The following AP4E1 variants were observed in gnomAD, a reference collection of about 807,000 sequenced individuals.
AP4E1 encodes AP-4 complex subunit epsilon-1.
AP4E1 carries 56 observed loss-of-function variants against 128.2 expected under a neutral mutation model. The observed-to-expected ratio is 0.44, with a 90% CI of 0.35 to 0.55. The LOEUF is 0.55. AP4E1 is among the 20% of genes least tolerant of loss of function. The pLI, the probability that AP4E1 is intolerant of heterozygous loss-of-function variation, is 0.00. For synonymous variants in AP4E1, 484 were observed against 473.1 expected, an observed-to-expected ratio of 1.02 and a Z score of -0.30; for missense variants, 1,324 against 1,307.7, an observed-to-expected ratio of 1.01 and a Z score of -0.19.
At chr15:50,972,726 G>C (rs1276058976) in intron 15 of AP4E1, among the ~76,000 whole-genome samples, 5 of 152,220 alleles carry the variant, frequency 3.3e-5, no homozygotes, top group Non-Finnish European at 1.5e-5. Flanking sequence ...TGGCTGGGAA[G>C]CATGGGCATG....
chr15:50,928,494 G>T (rs575729271), intron 5 of AP4E1, among the ~76,000 whole-genome samples: 103 of 152,112 alleles, frequency 6.8e-4, no homozygotes, highest in African/African-American at 2.1e-3. Flanking sequence ...CGCCATGTTG[G>T]CCAGGCTGGT....
chr15:50,932,124 C>T (rs538222311), intron 7 of AP4E1, among the ~76,000 whole-genome samples: 8 of 152,124 alleles, frequency 5.3e-5, no homozygotes, highest in Admixed American at 6.5e-5. Flanking sequence ...GGATTACAGG[C>T]GCACACCACC....
chr15:50,993,663 A>C (rs748383132), intron 17 of AP4E1, 38 bp downstream of exon 17: 2 of 1,612,580 alleles, frequency 1.2e-6, no homozygotes, highest in East Asian at 4.5e-5. Context: ...AATCTTTGTC[A>C]TCTGTCTGTA....
chr15:50,921,167 C>CT, intron 3 of AP4E1, among the ~76,000 whole-genome samples: 1 of 151,196 alleles, frequency 6.6e-6, no homozygotes, highest in East Asian at 1.9e-4. Context: ...TTATTATTTT[C>CT]TTTTTAGAGA....
chr15:50,964,987 A>ACACACACACACACACACACACACT (rs2064368895), intron 14 of AP4E1, among the ~76,000 whole-genome samples: 1 of 150,716 alleles, frequency 6.6e-6, no homozygotes, highest in Non-Finnish European at 1.5e-5. Context: ...ACACACACAC[A>ACACACACACACACACACACACACT]CACACTGGAC....
At chr15:50,951,713 G>A (rs2064152281) in intron 13 of AP4E1, among the ~76,000 whole-genome samples, 1 of 146,376 alleles carries the variant, frequency 6.8e-6, no homozygotes, top group Non-Finnish European at 1.5e-5. Context: ...AGTTTTTTCA[G>A]TTAATTTTCT....
rs2063799255 is a variant in AP4E1, at chr15:50,929,001, G to T, written c.543-8G>T. ...TTGTCTTGTTTAAATTTCATTTTTT[G>T]TCTTCAGGGAGATTGTACGAAGAAA... On this transcript the variant is annotated splice_polypyrimidine_tract_variant and splice_region_variant and intron_variant, in intron 5 of 20. Coordinates refer to ENST00000261842, the MANE Select transcript of AP4E1 (RefSeq NM_007347.5). 9 of 1,613,192 alleles carry T rather than the reference G, an allele frequency of 5.6e-6. No individual in the cohort carries two copies. The East Asian group carries it at 2.0e-4, about 36-fold the overall frequency.
At position 50,962,057 on chromosome 15, in the gene AP4E1, A is replaced by G. The variant is rs183818167; in HGVS notation, c.1851+3263A>G. ...CAATACAATACTTGGAATAAATTTA[A>G]CCAGGGAGGTGGAAGACCTCTACAA... On this transcript the variant is annotated intron_variant, in intron 14 of 20. Coordinates refer to ENST00000261842, the MANE Select transcript of AP4E1 (RefSeq NM_007347.5). Among the ~76,000 whole-genome samples, 6 of 150,622 alleles carry G rather than the reference A, an allele frequency of 4.0e-5. No homozygotes were observed. The East Asian group carries it at 1.2e-3, about 29-fold the overall frequency.
intron 14 of AP4E1, among the ~76,000 whole-genome samples, chr15:50,960,024 C>A (rs1330077305): frequency 6.6e-6 from 1 of 151,872 alleles, no homozygotes; most frequent in African/African-American, 2.4e-5. Flanking sequence ...ATAAAGGAGA[C>A]AAGAAATGTT....
chr15:50,950,166 T>C lies in AP4E1; in HGVS notation c.1545T>C (p.Ser515=). 19 of 1,590,672 alleles carry C rather than the reference T, an allele frequency of 1.2e-5. No homozygotes were observed. Among genetic ancestry groups the C allele is most frequent in the Non-Finnish European group, 1.6e-5 (18 of 1,159,424 alleles). ...CACAGAGATTTCTTCAAGTTATGAGTTGGGTGAGCAAAGTACCTTAAATCA... is the reference window on the plus strand; with the variant it reads ...CACAGAGATTTCTTCAAGTTATGAGCTGGGTGAGCAAAGTACCTTAAATCA... The part of the protein sequence containing the change: ...FYPQRFLQVM[S]WVLGEYSYLL... The change falls in exon 13 of 21, where the codon AGT becomes AGC. Residue 515 remains serine, a synonymous_variant. Transcript: ENST00000261842.
chr15:50,908,988 G>A lies in AP4E1; in HGVS notation c.150+60G>A, dbSNP rs906633556. ...CGGAGTGAGGCCCCCGCGCCAGGAG[G>A]CCCTGGCCGGGCGGCGAGACTTCAG... is the stretch of plus-strand genomic sequence containing the variant. On this transcript the variant is annotated intron_variant, in intron 1 of 20. Transcript: ENST00000261842. 91 of 1,599,004 alleles carry A rather than the reference G, an allele frequency of 5.7e-5. 1 individual carries two copies. The highest frequency in any genetic ancestry group is 7.5e-5 in the Non-Finnish European group (88 of 1,176,146).
rs551548563 is a variant in AP4E1 at position 50,971,617 on chromosome 15, G to A, written c.1966+3240G>A. 8.8e-4 allele frequency among the ~76,000 whole-genome samples: 133 copies of A among 151,816 alleles called. 3 individuals carry two copies. Among genetic ancestry groups the A allele is most frequent in the Non-Finnish European group, 3.8e-4 (26 of 67,892 alleles). On this transcript the variant is annotated intron_variant, in intron 15 of 20. Transcript: ENST00000261842. The stretch of plus-strand genomic sequence containing the variant: ...TTAATGGTGTCCCACAAATCCTGTA[G>A]GCTTTCTTCATTTTTTTAAAAATTA...
chr15:50,916,853 A>G (rs1173477626), intron 3 of AP4E1, among the ~76,000 whole-genome samples: 1 of 152,142 alleles, frequency 6.6e-6, no homozygotes, highest in Non-Finnish European at 1.5e-5. Context: ...CTTTTCATAT[A>G]TTAATGTCTT....
rs1193742182 is a variant in AP4E1, at chr15:51,005,414, C to T, written c.*2752C>T. 3 of 152,586 alleles carry T rather than the reference C, an allele frequency of 2.0e-5. No individual in the cohort carries two copies. The highest frequency in any genetic ancestry group is 7.3e-5 in the African/African-American group (3 of 41,374). 9.5% of individuals were successfully genotyped at this position (152,586 alleles called of 1,614,324 possible). Reference sequence around the variant, plus strand: ...GGAGGAAGAAGGGTACCAGAATAGTCCCTGTGGAGGCAGGCAGATCAGAGC... The same window carrying T: ...GGAGGAAGAAGGGTACCAGAATAGTTCCTGTGGAGGCAGGCAGATCAGAGC... On this transcript the variant is annotated 3_prime_UTR_variant, in exon 21 of 21. Coordinates refer to ENST00000261842, the MANE Select transcript of AP4E1 (RefSeq NM_007347.5).
At chr15:50,987,343 A>G (rs906376218) in intron 16 of AP4E1, among the ~76,000 whole-genome samples, 6 of 152,142 alleles carry the variant, frequency 3.9e-5, no homozygotes, top group Non-Finnish European at 5.9e-5. Flanking sequence ...GCCTTCTGCC[A>G]GCTTTTGAAT....
Position 50,999,105 on chromosome 15 carries a change from A to T in AP4E1, c.2938A>T (p.Met980Leu). Residue 980 changes from methionine (M) to leucine (L), a missense_variant, in exon 19 of 21, where the codon ATG becomes TTG. Transcript: ENST00000261842. ...TEQPGCCLPVMEAESTKSFQY... is the reference protein window; with the variant it reads ...TEQPGCCLPVLEAESTKSFQY... ...GCAACCTGGATGCTGTTTGCCTGTA[A>T]TGGAAGCAGAAAGCACCAAAAGCTT... The T allele has an allele frequency of 6.2e-7, 1 of 1,614,048 alleles. No homozygotes were observed. The highest frequency in any genetic ancestry group is 8.5e-7 in the Non-Finnish European group (1 of 1,179,960).
At chr15:50,924,153 A>G (rs1246637138) in intron 4 of AP4E1, 149 bp downstream of exon 4, 2 of 644,664 alleles carry the variant, frequency 3.1e-6, no homozygotes, top group African/African-American at 1.8e-5. Flanking sequence ...TTCTGCATCT[A>G]TAAAATGGAG....
chr15:50,925,213 A>G lies in AP4E1; in HGVS notation c.536A>G (p.His179Arg). The G allele has an allele frequency of 1.2e-6, 2 of 1,613,164 alleles. No individual in the cohort carries two copies. Among genetic ancestry groups the G allele is most frequent in the Non-Finnish European group, 1.7e-6 (2 of 1,179,208 alleles). ...VLPLIEDKLQ[H>R]SKEIVRRKAV... is the part of the protein sequence containing the mutation. ...CCATTAATAGAAGATAAACTTCAAC[A>G]TTCTAAGTAAGTAAATTCTTTTGGG... The change falls in exon 5 of 21, where the codon CAT becomes CGT. Residue 179 changes from histidine to arginine, a missense_variant. His to Arg is a conservative substitution (Grantham distance 29). Coordinates refer to ENST00000261842, the MANE Select transcript of AP4E1 (RefSeq NM_007347.5).
chr15:50,961,045 G>A (rs1487426395), intron 14 of AP4E1, among the ~76,000 whole-genome samples: 1 of 151,918 alleles, frequency 6.6e-6, no homozygotes, highest in Non-Finnish European at 1.5e-5. Flanking sequence ...TAAATTCCTG[G>A]ACACATCTAC....
Sources: gnomAD v4.1 joint callset for allele counts (sites outside exome capture counted in the v4.1 genomes callset) on GRCh38, gnomAD v4.1.1 for gene constraint, MANE v1.5 for transcripts, NCBI Gene and HGNC (gene_info 2026-07-23, HGNC 2026-07-21) for gene names.